THSD7A: variants seen among roughly 807,000 people sequenced by gnomAD.
THSD7A encodes the protein thrombospondin type 1 domain containing 7A.
Under a neutral mutation model 231.3 loss-of-function variants are expected in THSD7A, and 96 were observed. The observed-to-expected ratio is 0.41, with a 90% CI of 0.35 to 0.49. The LOEUF is 0.49. THSD7A is among the 20% of genes least tolerant of loss of function. The pLI is 0.05. For synonymous variants in THSD7A, 940 were observed against 743.3 expected, an observed-to-expected ratio of 1.26 and a Z score of -4.30; for missense variants, 2,290 against 2,070.2, an observed-to-expected ratio of 1.11 and a Z score of -2.06.
intron 1 of THSD7A, among the ~76,000 whole-genome samples, chr7:11,827,399 A>G (rs892368943): frequency 3.3e-5 from 5 of 152,276 alleles, no homozygotes; most frequent in Admixed American, 6.5e-5. Context: ...CCAAGTCCTC[A>G]TACTTGATAT....
intron 8 of THSD7A, among the ~76,000 whole-genome samples, chr7:11,473,761 A>T (rs1220134355): frequency 6.6e-6 from 1 of 152,132 alleles, no homozygotes; most frequent in Non-Finnish European, 1.5e-5. Context: ...AAGCACCCTG[A>T]GAAAATGATA....
At chr7:11,506,953 GTCTCTTCTCCCTACAATGTAAGT>G (rs1787570269) in intron 6 of THSD7A, among the ~76,000 whole-genome samples, 1 of 151,908 alleles carries the variant, frequency 6.6e-6, no homozygotes, top group South Asian at 2.1e-4. Context: ...TTTATTTTCT[GTCTCTTCTCCCTACAATGTAAGT>G]TCTACCAGGT....
chr7:11,645,334 A>C (rs775944954), intron 1 of THSD7A, among the ~76,000 whole-genome samples: 2 of 151,736 alleles, frequency 1.3e-5, no homozygotes, highest in Non-Finnish European at 2.9e-5. Flanking sequence ...ATTTCCCATC[A>C]GTGTTTTGTG....
intron 1 of THSD7A, among the ~76,000 whole-genome samples, chr7:11,703,237 T>C (rs1221453132): frequency 1.3e-5 from 2 of 151,230 alleles, no homozygotes; most frequent in African/African-American, 4.8e-5. Flanking sequence ...AAAATATTTT[T>C]TTTCCCAAAC....
chr7:11,501,999 A>T lies in THSD7A; in HGVS notation c.1823-20017T>A, dbSNP rs80018563. On this transcript the variant is annotated intron_variant, in intron 6 of 27. Coordinates refer to ENST00000423059, the MANE Select transcript of THSD7A (RefSeq NM_015204.3). ...ATGACCATCAGAAATGACTGCAAACAACCCTATGCACACAAACTCTAAAAC... is the reference window on the plus strand; with the variant it reads ...ATGACCATCAGAAATGACTGCAAACTACCCTATGCACACAAACTCTAAAAC... Among the ~76,000 whole-genome samples, 659 of 152,284 alleles carry T rather than the reference A, an allele frequency of 4.3e-3. 10 individuals carry two copies. Among genetic ancestry groups the T allele is most frequent in the African/African-American group, 0.015 (635 of 41,546 alleles).
At position 11,832,111 on chromosome 7, in the gene THSD7A, T is replaced by G; in HGVS notation, c.-165A>C. 2 of 411,206 alleles carry G rather than the reference T, an allele frequency of 4.9e-6. No individual in the cohort carries two copies. The highest frequency in any genetic ancestry group is 3.9e-6 in the Non-Finnish European group (1 of 257,886). The allele number at this position is 411,206 out of a possible 1,614,324, so 25.5% of individuals were successfully genotyped here. ...GAGCGCGTCTAACACCAGGGAACAA[T>G]AGCGTCCGCGGTGGTGGCCGTGGCC... On this transcript the variant is annotated 5_prime_UTR_variant, in exon 1 of 28. Transcript: ENST00000423059.
At position 11,820,939 on chromosome 7, in the gene THSD7A, C is replaced by G. The variant is rs552161652; in HGVS notation, c.190+10818G>C. The G allele has an allele frequency of 5.6e-5, 56 of 1,002,480 alleles. 1 individual carries two copies. In the East Asian group the frequency reaches 1.3e-3, roughly 24 times the overall value. The allele number at this position is 1,002,480 out of a possible 1,614,324, so 62.1% of individuals were successfully genotyped here. ...GATTTACCTCGCTGAAGATCTCTCT[C>G]CTTATGTTTTTTATGACGTTCAATA... On this transcript the variant is annotated intron_variant, in intron 1 of 27. Transcript: ENST00000423059.
chr7:11,684,633 A>G lies in THSD7A; in HGVS notation c.191-47672T>C, dbSNP rs761429174. Among the ~76,000 whole-genome samples the G allele has an allele frequency of 4.0e-4, 61 of 151,948 alleles. 1 individual carries two copies. The highest frequency in any genetic ancestry group is 3.9e-4 in the Admixed American group (6 of 15,206). ...AAATCAAGAATGCAATCCCATTTAC[A>G]TTAGTCCATACAAAAAATATCTAAA... On this transcript the variant is annotated intron_variant, in intron 1 of 27. Coordinates refer to ENST00000423059, the MANE Select transcript of THSD7A (RefSeq NM_015204.3).
At chr7:11,415,198 G>C (rs1038220515) in intron 17 of THSD7A, among the ~76,000 whole-genome samples, 2 of 152,184 alleles carry the variant, frequency 1.3e-5, no homozygotes, top group African/African-American at 4.8e-5. Flanking sequence ...AAAATCTCAG[G>C]ATCTCATACT....
At chr7:11,651,682 A>G (rs1480640205) in intron 1 of THSD7A, among the ~76,000 whole-genome samples, 2 of 152,002 alleles carry the variant, frequency 1.3e-5, no homozygotes, top group Non-Finnish European at 2.9e-5. Flanking sequence ...TTAGACCTAA[A>G]GGCAATTTAT....
At chr7:11,701,831 T>G (rs1780611647) in intron 1 of THSD7A, among the ~76,000 whole-genome samples, 1 of 151,214 alleles carries the variant, frequency 6.6e-6, no homozygotes, top group Admixed American at 6.6e-5. Flanking sequence ...CCTCATGTGA[T>G]GAAAAATGGG....
chr7:11,684,975 C>T (rs191367917), intron 1 of THSD7A, among the ~76,000 whole-genome samples: 21 of 152,102 alleles, frequency 1.4e-4, no homozygotes, highest in Non-Finnish European at 2.4e-4. Flanking sequence ...TCAAATTACA[C>T]TGCAAGGCTA....
chr7:11,627,370 C>T (rs1435308748), intron 2 of THSD7A, among the ~76,000 whole-genome samples: 1 of 151,566 alleles, frequency 6.6e-6, no homozygotes, highest in Non-Finnish European at 1.5e-5. Context: ...GGTATATAGC[C>T]TTACATAATA....
chr7:11,376,496 T>C, intron 27 of THSD7A, 74 bp downstream of exon 27: 1 of 1,150,506 alleles, frequency 8.7e-7, no homozygotes. Flanking sequence ...AGAGTACTTA[T>C]TTGAGACATT....
chr7:11,790,524 A>C (rs1036810464), intron 1 of THSD7A, among the ~76,000 whole-genome samples: 1 of 152,020 alleles, frequency 6.6e-6, no homozygotes, highest in African/African-American at 2.4e-5. Context: ...TTAATGAGAG[A>C]TAAAAGTGCA....
intron 6 of THSD7A, among the ~76,000 whole-genome samples, chr7:11,540,314 T>G (rs1416374920): frequency 6.6e-6 from 1 of 152,244 alleles, no homozygotes; most frequent in Admixed American, 6.5e-5. Context: ...GACAAAAGGC[T>G]AATTTCTCAG....
intron 1 of THSD7A, among the ~76,000 whole-genome samples, chr7:11,780,399 T>C (rs1783586158): frequency 1.3e-5 from 2 of 152,218 alleles, no homozygotes; most frequent in Admixed American, 6.5e-5. Context: ...GCTCTAGTCT[T>C]GCTTTTGCCT....
At chr7:11,465,547 G>A (rs1290583682) in intron 9 of THSD7A, among the ~76,000 whole-genome samples, 1 of 151,976 alleles carries the variant, frequency 6.6e-6, no homozygotes, top group Non-Finnish European at 1.5e-5. Flanking sequence ...ATTACTTGAT[G>A]AAAAGGATTT....
intron 4 of THSD7A, among the ~76,000 whole-genome samples, chr7:11,553,462 G>C (rs1436345359): frequency 6.6e-6 from 1 of 151,994 alleles, no homozygotes; most frequent in Non-Finnish European, 1.5e-5. Context: ...GACAGACCTA[G>C]GAAAAATTAC....
Sources: allele counts gnomAD v4.1 joint callset (sites outside exome capture counted in the v4.1 genomes callset), GRCh38; gene constraint gnomAD v4.1.1; transcripts MANE v1.5; gene names NCBI Gene and HGNC (gene_info 2026-07-23, HGNC 2026-07-21).